ZNF569: variants seen among roughly 807,000 people sequenced by gnomAD.
The protein encoded by ZNF569 is zinc finger protein 569.
A neutral mutation model predicts 56.3 loss-of-function variants in ZNF569; 38 were observed. That is an observed-to-expected ratio of 0.68 (90% CI 0.52 to 0.88). ZNF569 has a LOEUF of 0.88. ZNF569 is among the 40% of genes least tolerant of loss of function. ZNF569 has a pLI of 0.00. For missense variants in ZNF569, 666 were observed against 809.2 expected, an observed-to-expected ratio of 0.82 and a Z score of 2.15; for synonymous variants, 241 against 262.9, an observed-to-expected ratio of 0.92 and a Z score of 0.81.
intron 5 of ZNF569, among the ~76,000 whole-genome samples, chr19:37,416,679 GCTT>G (rs2040939549): frequency 6.6e-6 from 1 of 151,522 alleles, no homozygotes; most frequent in Admixed American, 6.6e-5. Flanking sequence ...ATTTTTTGTT[GCTT>G]TTTTCCCCTG....
chr19:37,446,739 CACA>C (rs2041504479), intron 2 of ZNF569, among the ~76,000 whole-genome samples: 1 of 151,872 alleles, frequency 6.6e-6, no homozygotes, highest in Non-Finnish European at 1.5e-5. Context: ...GAAAAGCAAA[CACA>C]ACAAAAACAA....
chr19:37,468,058 C>A, upstream of ZNF569: 4 of 777,898 alleles, frequency 5.1e-6, no homozygotes, highest in Non-Finnish European at 8.2e-6. Context: ...CTTAACTTCT[C>A]TATGCCTTTC....
chr19:37,416,693 A>G (rs1347295028), intron 5 of ZNF569, among the ~76,000 whole-genome samples: 1 of 152,068 alleles, frequency 6.6e-6, no homozygotes, highest in Non-Finnish European at 1.5e-5. Context: ...TTTTCCCCTG[A>G]ATATTTTCAA....
intron 5 of ZNF569, among the ~76,000 whole-genome samples, chr19:37,421,577 T>C (rs929171902): frequency 1.3e-5 from 2 of 152,114 alleles, no homozygotes; most frequent in Non-Finnish European, 2.9e-5. Context: ...TAAGCCTTCA[T>C]AGAATTGAAG....
chr19:37,428,043 G>T (rs2041164166), intron 3 of ZNF569, among the ~76,000 whole-genome samples: 1 of 152,086 alleles, frequency 6.6e-6, no homozygotes, highest in African/African-American at 2.4e-5. Flanking sequence ...CAGCACCAAA[G>T]ATTTTACAAG....
At chr19:37,439,295 T>C (rs1231903004) in intron 3 of ZNF569, among the ~76,000 whole-genome samples, 3 of 152,154 alleles carry the variant, frequency 2.0e-5, no homozygotes, top group African/African-American at 7.2e-5. Context: ...GGTCTTGAAC[T>C]CCTGACCTCA....
chr19:37,438,941 G>A (rs1353179786), intron 3 of ZNF569, among the ~76,000 whole-genome samples: 1 of 152,154 alleles, frequency 6.6e-6, no homozygotes, highest in Admixed American at 6.5e-5. Flanking sequence ...AAGGGGGAAA[G>A]ATCTGAAGAC....
chr19:37,451,984 G>C (rs1338077475), intron 2 of ZNF569, among the ~76,000 whole-genome samples: 1 of 152,158 alleles, frequency 6.6e-6, no homozygotes, highest in Non-Finnish European at 1.5e-5. Context: ...CTTTATGTTA[G>C]TCTTCTTCCT....
chr19:37,444,382 T>G (rs1468871343), intron 3 of ZNF569, among the ~76,000 whole-genome samples: 1 of 152,236 alleles, frequency 6.6e-6, no homozygotes, highest in Non-Finnish European at 1.5e-5. Context: ...AACAGTCATC[T>G]GTTCTTTTTT....
In ZNF569 at chr19:37,411,425, A is replaced by T. The variant is rs1435256414; in HGVS notation, c.*1172T>A. Reference sequence around the variant, plus strand: ...CTAAATTCTGTATTTTATCACAGAAATGATCACACTTATTCATCTATTCCA... The same window carrying T: ...CTAAATTCTGTATTTTATCACAGAATTGATCACACTTATTCATCTATTCCA... On this transcript the variant is annotated 3_prime_UTR_variant, in exon 6 of 6. Transcript: ENST00000316950. 2 of 152,172 alleles carry T rather than the reference A, an allele frequency of 1.3e-5. No homozygotes were observed. The highest frequency in any genetic ancestry group is 2.4e-5 in the African/African-American group (1 of 41,460). 9.4% of individuals were successfully genotyped at this position (152,172 alleles called of 1,614,324 possible).
chr19:37,448,764 C>T lies in ZNF569; in HGVS notation c.-43-3800G>A, dbSNP rs1003463604. Among the ~76,000 whole-genome samples the T allele has an allele frequency of 4.0e-5, 6 of 151,716 alleles. No individual in the cohort carries two copies. The South Asian group carries it at 1.2e-3, about 32-fold the overall frequency. Reference sequence around the variant, plus strand: ...ATTTTTAGTAGAGACGGGGTTTCACCGTGTTAGCCAGGATGGTCTCGATCT... The same window carrying T: ...ATTTTTAGTAGAGACGGGGTTTCACTGTGTTAGCCAGGATGGTCTCGATCT... On this transcript the variant is annotated intron_variant, in intron 2 of 5. Transcript: ENST00000316950.
chr19:37,429,452 T>G (rs933215128), intron 3 of ZNF569, among the ~76,000 whole-genome samples: 1 of 152,264 alleles, frequency 6.6e-6, no homozygotes, highest in African/African-American at 2.4e-5. Flanking sequence ...AATAAACTTA[T>G]GTCTTGTTTA....
intron 2 of ZNF569, among the ~76,000 whole-genome samples, chr19:37,459,491 A>G (rs2041724976): frequency 6.6e-6 from 1 of 152,192 alleles, no homozygotes; most frequent in African/African-American, 2.4e-5. Context: ...TCAAAGTTGA[A>G]GGAGAAATGA....
At chr19:37,457,931 G>T (rs900543933) in intron 2 of ZNF569, among the ~76,000 whole-genome samples, 2 of 151,996 alleles carry the variant, frequency 1.3e-5, no homozygotes, top group Non-Finnish European at 2.9e-5. Flanking sequence ...CCAAGCTGGA[G>T]GAGCGCATGG....
chr19:37,454,863 C>G (rs1425158222), intron 2 of ZNF569: 1 of 702,564 alleles, frequency 1.4e-6, no homozygotes, highest in South Asian at 1.5e-5. Context: ...CAGAGTCCAT[C>G]CCAGGTAAGT....
At chr19:37,449,418 G>A (rs961023314) in intron 2 of ZNF569, among the ~76,000 whole-genome samples, 3 of 152,096 alleles carry the variant, frequency 2.0e-5, no homozygotes, top group East Asian at 1.9e-4. Context: ...ATCCTTTCAC[G>A]CTCTATCGAT....
intron 2 of ZNF569, among the ~76,000 whole-genome samples, chr19:37,445,847 A>G (rs2041484591): frequency 6.6e-6 from 1 of 152,214 alleles, no homozygotes; most frequent in Non-Finnish European, 1.5e-5. Context: ...GGGTATAATC[A>G]ATATTGTGAA....
chr19:37,464,022 G>A (rs1485754297), intron 2 of ZNF569, among the ~76,000 whole-genome samples: 1 of 152,026 alleles, frequency 6.6e-6, no homozygotes, highest in African/African-American at 2.4e-5. Context: ...AGTAAGCTGA[G>A]GTTAATTTAT....
chr19:37,444,808 T>C lies in ZNF569; in HGVS notation c.15+99A>G, dbSNP rs1600330217. 1.0e-5 allele frequency: 9 copies of C among 865,446 alleles called. No individual in the cohort carries two copies. In the East Asian group the frequency reaches 2.7e-4, roughly 26 times the overall value. The allele number at this position is 865,446 out of a possible 1,614,324, so 53.6% of individuals were successfully genotyped here. On this transcript the variant is annotated intron_variant, in intron 3 of 5. Coordinates refer to ENST00000316950, the MANE Select transcript of ZNF569 (RefSeq NM_152484.3). ...CTATTTCCCCTGAAAATATGTTTTA[T>C]GTATACAGACCTTTATAATTTACTG...
Sources: allele counts gnomAD v4.1 joint callset (sites outside exome capture counted in the v4.1 genomes callset), GRCh38; gene constraint gnomAD v4.1.1; transcripts MANE v1.5; gene names NCBI Gene and HGNC (gene_info 2026-07-23, HGNC 2026-07-21).